The following PLAC1 variants were observed in gnomAD, a reference collection of about 807,000 sequenced individuals.
The protein encoded by PLAC1 is placenta associated 1.
For missense variants in PLAC1, 136 were observed against 163.2 expected (o/e 0.83, Z 0.91); for synonymous variants, 68 against 62.1 (o/e 1.09, Z -0.44).
chrX:134,698,425 C>T (rs915701726), intron 2 of PLAC1, among the ~76,000 whole-genome samples: 1 of 111,543 alleles, frequency 9.0e-6, no homozygotes. Context: ...TGCACTCCAG[C>T]GTGGGCAACA....
At chrX:134,758,191 T>G (rs1281471878) in intron 1 of PLAC1, among the ~76,000 whole-genome samples, 1 of 111,050 alleles carries the variant, frequency 9.0e-6, no homozygotes, top group African/African-American at 3.3e-5. Context: ...GCTCATGGGT[T>G]GGAAAAATTA....
At chrX:134,742,564 GGCGACAGA>G (rs1280502748) in intron 1 of PLAC1, among the ~76,000 whole-genome samples, 3 of 110,384 alleles carry the variant, frequency 2.7e-5, no homozygotes, top group Non-Finnish European at 5.7e-5. Flanking sequence ...CTCCAGCCTG[GGCGACAGA>G]GCGAGACTCT....
At chrX:134,601,073 C>CACAG (rs1209634137) in intron 2 of PLAC1, 3 of 109,316 alleles carry the variant, frequency 2.7e-5, no homozygotes, top group African/African-American at 1.0e-4. Flanking sequence ...CACACACACA[C>CACAG]ACACACACAC....
chrX:134,747,033 T>C (rs1409247856), intron 1 of PLAC1, among the ~76,000 whole-genome samples: 1 of 111,970 alleles, frequency 8.9e-6, no homozygotes, highest in African/African-American at 3.2e-5. Context: ...CTAAGAGGAA[T>C]GGTATAGAGT....
At chrX:134,731,664 T>A (rs1602941371) in intron 2 of PLAC1, among the ~76,000 whole-genome samples, 1 of 111,172 alleles carries the variant, frequency 9.0e-6, no homozygotes, top group Middle Eastern at 4.6e-3. Flanking sequence ...CTCAGTGTGG[T>A]CTATTTGGTG....
At chrX:134,571,193 T>G (rs1221353932) in intron 2 of PLAC1, among the ~76,000 whole-genome samples, 2 of 112,388 alleles carry the variant, frequency 1.8e-5, no homozygotes, top group African/African-American at 6.5e-5. Context: ...TCGTTAAATT[T>G]TTTATGCTGA....
At chrX:134,683,044 T>C (rs2078504110) in intron 2 of PLAC1, among the ~76,000 whole-genome samples, 1 of 112,244 alleles carries the variant, frequency 8.9e-6, no homozygotes, top group Non-Finnish European at 1.9e-5. Context: ...ATATGTGCAA[T>C]ATTATTTTGT....
At chrX:134,603,269 T>TCATATA (rs2078097619) in intron 1 of PLAC1, among the ~76,000 whole-genome samples, 1 of 6,904 alleles carries the variant, frequency 1.4e-4, no homozygotes, top group Admixed American at 3.1e-3. Context: ...TCTCTGTATT[T>TCATATA]TATATATATA....
intron 2 of PLAC1, among the ~76,000 whole-genome samples, chrX:134,590,627 T>C (rs993409788): frequency 9.0e-6 from 1 of 111,346 alleles, no homozygotes; most frequent in Non-Finnish European, 1.9e-5. Flanking sequence ...GACTTTTTTG[T>C]TTTTTTGAGA....
chrX:134,723,384 C>T (rs1473622213), intron 2 of PLAC1, among the ~76,000 whole-genome samples: 2 of 106,841 alleles, frequency 1.9e-5, no homozygotes, highest in Admixed American at 1.0e-4. Flanking sequence ...CATGGCTCAG[C>T]GCAGCCTCAA....
chrX:134,626,391 C>T (rs1186431337), intron 1 of PLAC1, among the ~76,000 whole-genome samples: 2 of 112,463 alleles, frequency 1.8e-5, no homozygotes, highest in East Asian at 2.8e-4. Context: ...AGTAGATGCT[C>T]AGTAAATATT....
chrX:134,717,379 C>T (rs2078646331), intron 2 of PLAC1, among the ~76,000 whole-genome samples: 1 of 111,542 alleles, frequency 9.0e-6, no homozygotes, highest in African/African-American at 3.3e-5. Context: ...GCCTCTGCTT[C>T]CAGAGTAGCT....
At chrX:134,682,318 G>A (rs1351980859) in intron 2 of PLAC1, among the ~76,000 whole-genome samples, 1 of 111,966 alleles carries the variant, frequency 8.9e-6, no homozygotes, top group Non-Finnish European at 1.9e-5. Flanking sequence ...AGTTTGTCTG[G>A]TAGCAGGAAC....
chrX:134,758,283 C>A (rs968832915), intron 1 of PLAC1, among the ~76,000 whole-genome samples: 1 of 110,970 alleles, frequency 9.0e-6, no homozygotes, highest in Non-Finnish European at 1.9e-5. Flanking sequence ...TAATTCTTCA[C>A]AAAATTAGAA....
intron 2 of PLAC1, among the ~76,000 whole-genome samples, chrX:134,732,346 C>T (rs1357254147): frequency 1.8e-5 from 2 of 111,656 alleles, no homozygotes; most frequent in Admixed American, 9.5e-5. Flanking sequence ...ACTGCCCAGC[C>T]GGTACAGTAG....
At chrX:134,730,011 G>C (rs929380426) in intron 2 of PLAC1, among the ~76,000 whole-genome samples, 1 of 110,817 alleles carries the variant, frequency 9.0e-6, no homozygotes, top group Middle Eastern at 4.7e-3. Context: ...GGCTGGTCTC[G>C]AACTCCTGAC....
chrX:134,567,651 G>A (rs1426784005), intron 2 of PLAC1, among the ~76,000 whole-genome samples: 15 of 108,848 alleles, frequency 1.4e-4, no homozygotes, highest in African/African-American at 4.7e-4. Flanking sequence ...TGAGCTACTC[G>A]GGAGGCTGAG....
At chrX:134,754,510 G>A (rs1331636919) in intron 1 of PLAC1, among the ~76,000 whole-genome samples, 1 of 111,312 alleles carries the variant, frequency 9.0e-6, no homozygotes, top group Non-Finnish European at 1.9e-5. Flanking sequence ...CTAGGGGGAA[G>A]CCTATTTTTC....
intron 2 of PLAC1, among the ~76,000 whole-genome samples, chrX:134,667,920 T>C (rs1169418743): frequency 9.5e-5 from 10 of 105,741 alleles, no homozygotes; most frequent in African/African-American, 3.5e-4. Context: ...AACAAGACCT[T>C]GTCTCAAAAA....
Sources: allele counts gnomAD v4.1 joint callset (sites outside exome capture counted in the v4.1 genomes callset), GRCh38; gene constraint gnomAD v4.1.1; transcripts MANE v1.5; gene names NCBI Gene and HGNC (gene_info 2026-07-23, HGNC 2026-07-21).